PARVB: variants seen among roughly 807,000 people sequenced by gnomAD.
The protein encoded by PARVB is beta-parvin.
PARVB carries 46 observed loss-of-function variants against 47.0 expected under a neutral mutation model. The observed-to-expected ratio is 0.98, with a 90% CI of 0.77 to 1.25. The LOEUF is 1.25. Ranked by LOEUF, PARVB falls within the 50% of genes most tolerant of loss-of-function variation. The probability of loss-of-function intolerance (pLI) is 0.00; values close to 1 mark genes in which losing one functional copy is unlikely to be tolerated. For synonymous variants in PARVB, 196 were observed against 196.3 expected (o/e 1.00, Z 0.01); for missense variants, 473 against 471.6 (o/e 1.00, Z -0.03).
chr22:44,003,813 C>T (rs1230885271), intron 2 of PARVB, among the ~76,000 whole-genome samples: 1 of 152,222 alleles, frequency 6.6e-6, no homozygotes, highest in Non-Finnish European at 1.5e-5. Flanking sequence ...CTTCTGGCAA[C>T]TGCCGTCAGG....
chr22:44,164,586 G>T (rs1043342896), intron 12 of PARVB, among the ~76,000 whole-genome samples: 1 of 152,198 alleles, frequency 6.6e-6, no homozygotes, highest in East Asian at 1.9e-4. Flanking sequence ...AACATTAAAG[G>T]CTTTGACAAG....
In PARVB at chr22:44,083,910, C is replaced by G. The variant is rs543613878; in HGVS notation, c.113-10018C>G. 5.9e-5 allele frequency among the ~76,000 whole-genome samples: 9 copies of G among 152,288 alleles called. No individual in the cohort carries two copies. In the South Asian group the frequency reaches 1.9e-3, roughly 32 times the overall value. The stretch of plus-strand genomic sequence containing the variant: ...GGTTTGCAAAGGACAGAAAACCCAA[C>G]TCAAAATGGCTTAAAAGCAAAACAG... On this transcript the variant is annotated intron_variant, in intron 1 of 12. Transcript: ENST00000338758.
At chr22:44,029,909 C>CA (rs1186005189) in intron 1 of PARVB, among the ~76,000 whole-genome samples, 460 of 99,440 alleles carry the variant, frequency 4.6e-3, no homozygotes, top group Middle Eastern at 0.011. Flanking sequence ...GACTCTGCCT[C>CA]AAAAAAAAAA....
chr22:44,056,356 G>A (rs1180711302), intron 1 of PARVB, among the ~76,000 whole-genome samples: 2 of 152,166 alleles, frequency 1.3e-5, no homozygotes, highest in South Asian at 2.1e-4. Context: ...GGAGCAGGTG[G>A]GTGAAGGGCA....
At chr22:44,074,937 G>C (rs1309154611) in intron 1 of PARVB, among the ~76,000 whole-genome samples, 1 of 152,246 alleles carries the variant, frequency 6.6e-6, no homozygotes, top group African/African-American at 2.4e-5. Context: ...GGACTCCTGA[G>C]TCGGTGGGGA....
At chr22:44,107,361 C>T (rs1212930856) in intron 3 of PARVB, 1 of 152,218 alleles carries the variant, frequency 6.6e-6, no homozygotes, top group Non-Finnish European at 1.5e-5. Flanking sequence ...TATTCTTATG[C>T]TTTCCAGAAT....
intron 1 of PARVB, among the ~76,000 whole-genome samples, chr22:44,074,555 A>G (rs1012421334): frequency 6.6e-6 from 1 of 152,150 alleles, no homozygotes; most frequent in Non-Finnish European, 1.5e-5. Context: ...CCAGGGCTTC[A>G]GGCAAGCTGC....
chr22:44,148,041 A>G, intron 9 of PARVB, 119 bp downstream of exon 9: 1 of 793,794 alleles, frequency 1.3e-6, no homozygotes. Flanking sequence ...TGTTTGCCAC[A>G]TGGATTGAAA....
At chr22:44,096,290 A>G (rs62227662) in intron 2 of PARVB, among the ~76,000 whole-genome samples, 15,749 of 152,186 alleles carry the variant, frequency 0.1, 853 homozygotes, top group Middle Eastern at 0.18. Flanking sequence ...CCAGCTACTC[A>G]GGAGGCTGAG....
intron 3 of PARVB, among the ~76,000 whole-genome samples, chr22:44,117,804 C>T (rs1013174458): frequency 1.4e-5 from 2 of 145,716 alleles, no homozygotes; most frequent in Non-Finnish European, 3.0e-5. Context: ...CTCCCATTTC[C>T]GAGAGGTTAC....
At chr22:44,052,178 C>T (rs767654207) in intron 1 of PARVB, among the ~76,000 whole-genome samples, 20 of 152,164 alleles carry the variant, frequency 1.3e-4, no homozygotes, top group African/African-American at 2.2e-4. Context: ...ATTGCCTCGG[C>T]GGTTCTCCTG....
chr22:44,066,346 C>T (rs993177461), intron 1 of PARVB, among the ~76,000 whole-genome samples: 3 of 152,084 alleles, frequency 2.0e-5, no homozygotes, highest in Non-Finnish European at 4.4e-5. Context: ...AGCAAAAAGT[C>T]GAATCTGTAC....
At chr22:44,090,777 A>G (rs555213366) in intron 1 of PARVB, among the ~76,000 whole-genome samples, 85 of 152,300 alleles carry the variant, frequency 5.6e-4, no homozygotes, top group Non-Finnish European at 1.1e-3. Context: ...GCTGTGCTGG[A>G]CGGGACCTCC....
chr22:44,154,338 T>A (rs942911587), intron 10 of PARVB, among the ~76,000 whole-genome samples: 1 of 152,212 alleles, frequency 6.6e-6, no homozygotes, highest in Non-Finnish European at 1.5e-5. Context: ...ATTTGGGTAT[T>A]TTTATAAATA....
chr22:44,082,536 C>CA (rs200287844), intron 1 of PARVB, among the ~76,000 whole-genome samples: 1 of 151,834 alleles, frequency 6.6e-6, no homozygotes, highest in African/African-American at 2.4e-5. Flanking sequence ...AAAACAAAAA[C>CA]AAAAAACAAA....
rs1393062014 is a variant in PARVB at position 44,024,404 on chromosome 22, T to C, written c.65T>C (p.Leu22Pro). Residue 22 changes from leucine (L) to proline (P), a missense_variant, in exon 1 of 13, where the codon CTG (leucine) becomes CCG (proline). Leu to Pro is a moderately conservative substitution (Grantham distance 98). Transcript: ENST00000338758. ...AGGATGAAGAAGGACGAGTCGTTCC[T>C]GGGCAAGCTGGGCGGCACCCTGGCC... ...PRRMKKDESF[L>P]GKLGGTLARK... 2 of 1,251,312 alleles carry C rather than the reference T, an allele frequency of 1.6e-6. No homozygotes were observed. Among genetic ancestry groups the C allele is most frequent in the African/African-American group, 1.6e-5 (1 of 62,778 alleles). 77.5% of individuals were successfully genotyped at this position (1,251,312 alleles called of 1,614,324 possible).
At chr22:44,164,860 A>G (rs183563555) in intron 12 of PARVB, among the ~76,000 whole-genome samples, 359 of 152,148 alleles carry the variant, frequency 2.4e-3, no homozygotes, top group Non-Finnish European at 3.6e-3. Context: ...TGTCCCTTCC[A>G]TCTACCCACT....
intron 1 of PARVB, among the ~76,000 whole-genome samples, chr22:44,038,628 A>C (rs1400975436): frequency 6.6e-6 from 1 of 152,160 alleles, no homozygotes; most frequent in Admixed American, 6.5e-5. Context: ...TAAAAAATAC[A>C]AAAATTAGCT....
Position 44,011,343 on chromosome 22 carries a change from C to T in PARVB, c.211+11670C>T, listed in dbSNP as rs185107349. ...ATTGGGTCCTTGTAGCCAGGCACGG[C>T]GGCTCACGCCTATAATCCCAGCACT... is the stretch of plus-strand genomic sequence containing the variant. On this transcript the variant is annotated intron_variant, in intron 2 of 13. Coordinates refer to the PARVB transcript ENST00000406477. Among the ~76,000 whole-genome samples, 78 of 152,084 alleles carry T rather than the reference C, an allele frequency of 5.1e-4. No individual in the cohort carries two copies. In the East Asian group the frequency reaches 5.3e-3, roughly 10 times the overall value.
Sources: gnomAD v4.1 joint callset for allele counts (sites outside exome capture counted in the v4.1 genomes callset) on GRCh38, gnomAD v4.1.1 for gene constraint, MANE v1.5 for transcripts, NCBI Gene and HGNC (gene_info 2026-07-23, HGNC 2026-07-21) for gene names.